The following GEMIN5 variants were observed in gnomAD, a reference collection of about 807,000 sequenced individuals.
GEMIN5 encodes the protein gem-associated protein 5.
Under a neutral mutation model 176.9 loss-of-function variants are expected in GEMIN5, and 124 were observed. That is an observed-to-expected ratio of 0.70 (90% CI 0.61 to 0.81). The LOEUF is 0.81. Ranked by LOEUF, GEMIN5 falls within the 40% of genes least tolerant of loss-of-function variation. The pLI is 0.00. For synonymous variants in GEMIN5, 673 were observed against 665.2 expected (o/e 1.01, Z -0.18); for missense variants, 1,843 against 1,814.6 (o/e 1.02, Z -0.28).
At chr5:154,895,266 C>T (rs530542826) in intron 24 of GEMIN5, among the ~76,000 whole-genome samples, 2 of 148,650 alleles carry the variant, frequency 1.3e-5, no homozygotes, top group Non-Finnish European at 3.0e-5. Flanking sequence ...CTTTGGGAGG[C>T]TGAGGCGGGA....
intron 15 of GEMIN5, among the ~76,000 whole-genome samples, chr5:154,910,697 C>G (rs1397039819): frequency 2.0e-5 from 3 of 152,154 alleles, no homozygotes; most frequent in Non-Finnish European, 4.4e-5. Context: ...TTTCCTCTTA[C>G]TTTCTCTTTT....
At chr5:154,902,276 A>G (rs989779722) in intron 20 of GEMIN5, among the ~76,000 whole-genome samples, 2 of 152,136 alleles carry the variant, frequency 1.3e-5, no homozygotes, top group African/African-American at 4.8e-5. Flanking sequence ...GTGCCATTAT[A>G]TCTTTTAAAA....
chr5:154,936,212 C>A (rs552415002), intron 2 of GEMIN5, among the ~76,000 whole-genome samples, 190 bp from the exon 3 acceptor site: 2 of 152,018 alleles, frequency 1.3e-5, no homozygotes, highest in African/African-American at 2.4e-5. Flanking sequence ...GTAAGGAGAT[C>A]GAGACCATCC....
At chr5:154,899,646 G>A (rs1229019897) in intron 21 of GEMIN5, among the ~76,000 whole-genome samples, 2 of 151,796 alleles carry the variant, frequency 1.3e-5, no homozygotes, top group Non-Finnish European at 2.9e-5. Flanking sequence ...GTTGACATTT[G>A]CACTGATTGT....
chr5:154,899,126 T>C (rs1763414349), intron 22 of GEMIN5, 65 bp downstream of exon 22: 14 of 1,498,866 alleles, frequency 9.3e-6, no homozygotes, highest in Non-Finnish European at 1.2e-5. Context: ...ACTTGTATTC[T>C]TGTCCTCCCC....
chr5:154,899,496 G>C (rs1763422599), intron 21 of GEMIN5, among the ~76,000 whole-genome samples, 186 bp from the exon 22 acceptor site: 1 of 152,112 alleles, frequency 6.6e-6, no homozygotes, highest in Non-Finnish European at 1.5e-5. Context: ...TCTTCACTTA[G>C]ATCAGCAGTT....
intron 6 of GEMIN5, 29 bp downstream of exon 6, chr5:154,928,498 C>T: frequency 6.2e-7 from 1 of 1,610,584 alleles, no homozygotes; most frequent in South Asian, 1.1e-5. Flanking sequence ...CAAAATATAT[C>T]TGAGAAAGCA....
rs1763142463 is a variant in GEMIN5, at chr5:154,887,895, G to C, written c.*315C>G. 2 of 305,420 alleles carry C rather than the reference G, an allele frequency of 6.5e-6. No individual in the cohort carries two copies. The highest frequency in any genetic ancestry group is 7.7e-5 in the South Asian group (2 of 26,132). 18.9% of individuals were successfully genotyped at this position (305,420 alleles called of 1,614,324 possible). A position where few individuals can be genotyped will look rare whatever the true frequency, so the allele number is the denominator to read the frequency against. On this transcript the variant is annotated 3_prime_UTR_variant, in exon 28 of 28. Coordinates refer to ENST00000285873, the MANE Select transcript of GEMIN5 (RefSeq NM_015465.5). ...GCATGTAACACTTTGGGTGACGACAGAAGTTTCTCCTCTTTGGGTGAAACC... is the reference window on the plus strand; with the variant it reads ...GCATGTAACACTTTGGGTGACGACACAAGTTTCTCCTCTTTGGGTGAAACC...
At chr5:154,919,854 C>G (rs1763886247) in intron 11 of GEMIN5, 113 bp downstream of exon 11, 2 of 875,064 alleles carry the variant, frequency 2.3e-6, no homozygotes, top group Non-Finnish European at 3.5e-6. Flanking sequence ...TTTAAGAAAT[C>G]TGACTTAGTA....
chr5:154,917,319 T>C, intron 12 of GEMIN5, 140 bp from the exon 13 acceptor site: 1 of 426,002 alleles, frequency 2.3e-6, no homozygotes, highest in Non-Finnish European at 4.2e-6. Flanking sequence ...GCAAAGGTCA[T>C]TCTCTCATAA....
rs910185185 is a variant in GEMIN5, at chr5:154,888,041, G to A, written c.*169C>T. 89 of 624,932 alleles carry A rather than the reference G, an allele frequency of 1.4e-4. No homozygotes were observed. Among genetic ancestry groups the A allele is most frequent in the African/African-American group, 2.8e-4 (15 of 54,116 alleles). 38.7% of individuals were successfully genotyped at this position (624,932 alleles called of 1,614,324 possible). A position where few individuals can be genotyped will look rare whatever the true frequency, so the allele number is the denominator to read the frequency against. On this transcript the variant is annotated 3_prime_UTR_variant, in exon 28 of 28. Transcript: ENST00000285873. ...AATTGAGTCTAAAGTCAGATCCACCGTTGTCTATGGGTAGGCAGGGTTGAT... is the reference window on the plus strand; with the variant it reads ...AATTGAGTCTAAAGTCAGATCCACCATTGTCTATGGGTAGGCAGGGTTGAT...
chr5:154,910,919 G>C lies in GEMIN5; in HGVS notation c.2167+808C>G, dbSNP rs374576509. 3.0e-4 allele frequency among the ~76,000 whole-genome samples: 45 copies of C among 151,962 alleles called. 1 individual carries two copies. The highest frequency in any genetic ancestry group is 1.1e-3 in the African/African-American group (44 of 41,484). On this transcript the variant is annotated intron_variant, in intron 15 of 27. Coordinates refer to ENST00000285873, the MANE Select transcript of GEMIN5 (RefSeq NM_015465.5). ...TTCACCTGTTAGTCAGGATGGTCTC[G>C]GATCTCCCGACCTTGTGATCCGCCC... is the stretch of plus-strand genomic sequence containing the variant.
intron 8 of GEMIN5, among the ~76,000 whole-genome samples, chr5:154,925,635 T>C (rs1246797879): frequency 6.6e-6 from 1 of 152,232 alleles, no homozygotes; most frequent in African/African-American, 2.4e-5. Context: ...TATTTCTAAC[T>C]TCTTACTATT....
At chr5:154,929,179 G>T (rs1253064494) in intron 5 of GEMIN5, among the ~76,000 whole-genome samples, 1 of 152,152 alleles carries the variant, frequency 6.6e-6, no homozygotes, top group African/African-American at 2.4e-5. Context: ...AGCTGAGATC[G>T]TGCCACTGCA....
At position 154,888,301 on chromosome 5, in the gene GEMIN5, G is replaced by A. The variant is rs746965425; in HGVS notation, c.4436C>T (p.Ala1479Val). 5.0e-6 allele frequency: 8 copies of A among 1,614,050 alleles called. No individual in the cohort carries two copies. The highest frequency in any genetic ancestry group is 6.8e-6 in the Non-Finnish European group (8 of 1,179,920). Residue 1479 changes from alanine (A) to valine (V), a missense_variant, in exon 28 of 28, where the codon GCC (alanine) becomes GTC (valine). Ala to Val is a moderately conservative substitution (Grantham distance 64). Transcript: ENST00000285873. Reference protein sequence around the residue: ...LIRSHFPGCLAQEMQQQAQEL... With the variant: ...LIRSHFPGCLVQEMQQQAQEL... ...TTGGGCCTGCTGCTGCATTTCCTGG[G>A]CCAGACAGCCAGGAAAGTGGGACCT... is the stretch of plus-strand genomic sequence containing the variant.
chr5:154,911,426 T>C (rs1370635562), intron 15 of GEMIN5, among the ~76,000 whole-genome samples: 2 of 152,150 alleles, frequency 1.3e-5, no homozygotes, highest in South Asian at 2.1e-4. Flanking sequence ...GGTGCGAGAA[T>C]TGCTTTAACC....
At position 154,931,593 on chromosome 5, in the gene GEMIN5, C is replaced by T; in HGVS notation, c.662-16G>A. 1 of 1,573,932 alleles carries T rather than the reference C, an allele frequency of 6.4e-7. No individual in the cohort carries two copies. Reference sequence around the variant, plus strand: ...TCAGCTTCTTCTATGAGATAGGTGGCAATTTTGTTTTTAATTTACATTAAA... The same window carrying T: ...TCAGCTTCTTCTATGAGATAGGTGGTAATTTTGTTTTTAATTTACATTAAA... On this transcript the variant is annotated splice_polypyrimidine_tract_variant and intron_variant, in intron 4 of 27. Coordinates refer to ENST00000285873, the MANE Select transcript of GEMIN5 (RefSeq NM_015465.5).
At chr5:154,903,308 T>C (rs1235800576) in intron 18 of GEMIN5, 133 bp from the exon 19 acceptor site, 1 of 626,710 alleles carries the variant, frequency 1.6e-6, no homozygotes, top group Non-Finnish European at 2.8e-6. Flanking sequence ...TAACAGAGAC[T>C]CCTGCAGTTA....
intron 23 of GEMIN5, among the ~76,000 whole-genome samples, chr5:154,897,946 C>T (rs1763385713): frequency 6.9e-6 from 1 of 145,200 alleles, no homozygotes; most frequent in South Asian, 2.2e-4. Context: ...CAGAGTCCCA[C>T]TATGTTGCCC....
Sources: gnomAD v4.1 joint callset for allele counts (sites outside exome capture counted in the v4.1 genomes callset) on GRCh38, gnomAD v4.1.1 for gene constraint, MANE v1.5 for transcripts, NCBI Gene and HGNC (gene_info 2026-07-23, HGNC 2026-07-21) for gene names.